Variants in NR6A1 observed in about 807,000 individuals in gnomAD.
NR6A1 encodes retinoic acid receptor-related testis-associated receptor.
NR6A1 carries 7 observed loss-of-function variants against 59.1 expected under a neutral mutation model. The ratio of observed to expected loss-of-function variants is 0.12; its 90% CI spans 0.07 to 0.22. The LOEUF is 0.22. Ranked by LOEUF, NR6A1 falls within the 10% of genes least tolerant of loss-of-function variation. NR6A1 has a pLI of 1.00. For missense variants in NR6A1, 468 were observed against 611.6 expected, an observed-to-expected ratio of 0.77 and a Z score of 2.48; for synonymous variants, 243 against 236.1, an observed-to-expected ratio of 1.03 and a Z score of -0.27.
At position 124,547,408 on chromosome 9, in the gene NR6A1, T is replaced by C. The variant is rs948610947; in HGVS notation, c.386-3551A>G. Among the ~76,000 whole-genome samples the C allele has an allele frequency of 5.3e-5, 8 of 152,220 alleles. 1 individual carries two copies. Among genetic ancestry groups the C allele is most frequent in the African/African-American group, 1.7e-4 (7 of 41,458 alleles). ...GTTCTGGTGGGACCCCTCATCCTCA[T>C]CTCTTGCCATAAATGCTATACCCTA... On this transcript the variant is annotated intron_variant, in intron 3 of 9. Coordinates refer to ENST00000487099, the MANE Select transcript of NR6A1 (RefSeq NM_033334.4).
At chr9:124,651,231 A>ATT (rs541970757) in intron 2 of NR6A1, among the ~76,000 whole-genome samples, 1 of 148,074 alleles carries the variant, frequency 6.8e-6, no homozygotes, top group African/African-American at 2.5e-5. Flanking sequence ...TAATTTTTGT[A>ATT]TTTTTTTTTT....
chr9:124,740,143 C>T (rs769882525), intron 1 of NR6A1, among the ~76,000 whole-genome samples: 9 of 152,212 alleles, frequency 5.9e-5, no homozygotes, highest in Non-Finnish European at 1.0e-4. Flanking sequence ...GAATTCAACA[C>T]GCTCTTTGGC....
At chr9:124,552,024 A>G (rs895184448) in intron 3 of NR6A1, among the ~76,000 whole-genome samples, 1 of 152,052 alleles carries the variant, frequency 6.6e-6, no homozygotes, top group African/African-American at 2.4e-5. Context: ...TGTCCCTCAT[A>G]CTCCGTGTGT....
chr9:124,651,438 A>T (rs1380168964), intron 2 of NR6A1, among the ~76,000 whole-genome samples: 1 of 152,224 alleles, frequency 6.6e-6, no homozygotes, highest in Non-Finnish European at 1.5e-5. Context: ...ACCTTGGAGA[A>T]GTTAGTTAAC....
In NR6A1 at chr9:124,617,851, G is replaced by A. The variant is rs143954484; in HGVS notation, c.143-63281C>T. ...AGATAACTGGGATTATCCACAACTA[G>A]CAACACCTAACACTCAGTGTCCTTG... On this transcript the variant is annotated intron_variant, in intron 2 of 9. Coordinates refer to ENST00000487099, the MANE Select transcript of NR6A1 (RefSeq NM_033334.4). 3.6e-3 allele frequency among the ~76,000 whole-genome samples: 553 copies of A among 152,204 alleles called. 3 individuals carry two copies. The highest frequency in any genetic ancestry group is 0.01 in the Middle Eastern group (3 of 294).
At chr9:124,644,957 C>A (rs1194337115) in intron 2 of NR6A1, among the ~76,000 whole-genome samples, 2 of 152,200 alleles carry the variant, frequency 1.3e-5, no homozygotes, top group East Asian at 3.8e-4. Context: ...GCACACTAAA[C>A]CTCCACATAA....
At chr9:124,568,824 G>A (rs1834351753) in intron 2 of NR6A1, among the ~76,000 whole-genome samples, 1 of 151,672 alleles carries the variant, frequency 6.6e-6, no homozygotes. Flanking sequence ...TATCAAGACT[G>A]AGCCTCAGGC....
At chr9:124,635,409 C>A (rs113825992) in intron 2 of NR6A1, among the ~76,000 whole-genome samples, 1 of 152,198 alleles carries the variant, frequency 6.6e-6, no homozygotes, top group Non-Finnish European at 1.5e-5. Flanking sequence ...TAGTTTCTCA[C>A]GAGATCTGAT....
chr9:124,758,014 T>C (rs1277830137), intron 1 of NR6A1, among the ~76,000 whole-genome samples: 1 of 152,246 alleles, frequency 6.6e-6, no homozygotes, highest in Non-Finnish European at 1.5e-5. Context: ...CTCCAAATGT[T>C]AAATGCACTT....
intron 7 of NR6A1, among the ~76,000 whole-genome samples, chr9:124,530,182 A>T (rs1833060462): frequency 6.6e-6 from 1 of 151,974 alleles, no homozygotes; most frequent in Admixed American, 6.6e-5. Flanking sequence ...GCCTGTCCAT[A>T]CACCCTAGAT....
intron 2 of NR6A1, chr9:124,692,408 C>G (rs1333174871): frequency 1.9e-6 from 1 of 517,450 alleles, no homozygotes; most frequent in Non-Finnish European, 4.0e-6. Context: ...GGTCTCACTG[C>G]TCACTGGTTC....
At chr9:124,582,515 T>A (rs1039903214) in intron 2 of NR6A1, among the ~76,000 whole-genome samples, 7 of 151,720 alleles carry the variant, frequency 4.6e-5, no homozygotes. Flanking sequence ...CAAACCTCCA[T>A]GACACACATT....
chr9:124,623,768 T>A (rs1240178672), intron 2 of NR6A1, among the ~76,000 whole-genome samples: 1 of 152,158 alleles, frequency 6.6e-6, no homozygotes, highest in Non-Finnish European at 1.5e-5. Context: ...TCAGCTGTAC[T>A]ATATGGGGTC....
chr9:124,718,279 T>C (rs1450980813), intron 2 of NR6A1, among the ~76,000 whole-genome samples: 2 of 152,170 alleles, frequency 1.3e-5, no homozygotes, highest in Non-Finnish European at 2.9e-5. Context: ...CCATTATCAA[T>C]AGTGCTGGCT....
chr9:124,646,711 C>T (rs1318752018), intron 2 of NR6A1, among the ~76,000 whole-genome samples: 2 of 152,038 alleles, frequency 1.3e-5, no homozygotes, highest in Non-Finnish European at 2.9e-5. Context: ...AGAAAGTTTA[C>T]GAACTTGTGT....
chr9:124,612,748 T>C (rs925284098), intron 2 of NR6A1, among the ~76,000 whole-genome samples: 1 of 151,540 alleles, frequency 6.6e-6, no homozygotes, highest in African/African-American at 2.4e-5. Flanking sequence ...CCATATATCC[T>C]ATCAATGTCA....
chr9:124,669,761 T>A (rs958768678), intron 2 of NR6A1, among the ~76,000 whole-genome samples: 1 of 152,148 alleles, frequency 6.6e-6, no homozygotes, highest in Admixed American at 6.5e-5. Context: ...CATGCCCGGC[T>A]AATTTTTGTA....
At chr9:124,637,505 C>T (rs1211039334) in intron 2 of NR6A1, among the ~76,000 whole-genome samples, 1 of 152,180 alleles carries the variant, frequency 6.6e-6, no homozygotes, top group Non-Finnish European at 1.5e-5. Context: ...ATTTTCTCCT[C>T]ATTGTACATG....
intron 2 of NR6A1, among the ~76,000 whole-genome samples, chr9:124,558,301 C>T (rs1027886815): frequency 6.6e-6 from 1 of 152,138 alleles, no homozygotes; most frequent in African/African-American, 2.4e-5. Context: ...ACTAAAGGGC[C>T]ATATTTCTTT....
Sources: gnomAD v4.1 joint callset for allele counts (sites outside exome capture counted in the v4.1 genomes callset) on GRCh38, gnomAD v4.1.1 for gene constraint, MANE v1.5 for transcripts, NCBI Gene and HGNC (gene_info 2026-07-23, HGNC 2026-07-21) for gene names.